The following SHQ1 variants were observed in gnomAD, a reference collection of about 807,000 sequenced individuals.
The protein encoded by SHQ1 is protein SHQ1 homolog.
SHQ1 carries 49 observed loss-of-function variants against 53.8 expected under a neutral mutation model. The observed-to-expected ratio is 0.91, with a 90% CI of 0.72 to 1.16. The LOEUF is 1.16. Ranked by LOEUF, SHQ1 falls within the 50% of genes most tolerant of loss-of-function variation. SHQ1 has a pLI of 0.00. For missense variants in SHQ1, 738 were observed against 683.1 expected, an observed-to-expected ratio of 1.08 and a Z score of -0.90; for synonymous variants, 243 against 251.0, an observed-to-expected ratio of 0.97 and a Z score of 0.30.
At chr3:72,738,705 G>T in the SHQ1 span, among the ~76,000 whole-genome samples, 1 of 152,272 alleles carries the variant, frequency 6.6e-6, no homozygotes, top group African/African-American at 2.4e-5. Flanking sequence ...ACCTTCTGTA[G>T]CTCTGCTCAG....
chr3:72,766,031 C>G (rs1042850412), intron 10 of SHQ1, among the ~76,000 whole-genome samples: 1 of 152,100 alleles, frequency 6.6e-6, no homozygotes, highest in Admixed American at 6.5e-5. Flanking sequence ...AAAAACAACA[C>G]AGAACTCAAA....
chr3:72,827,340 C>G (rs976951703), intron 5 of SHQ1, among the ~76,000 whole-genome samples: 4 of 151,884 alleles, frequency 2.6e-5, no homozygotes, highest in Non-Finnish European at 5.9e-5. Context: ...GCATTTAAAC[C>G]AAGAAGAGGA....
chr3:72,845,049 T>A (rs1328283827), intron 1 of SHQ1, among the ~76,000 whole-genome samples: 1 of 152,142 alleles, frequency 6.6e-6, no homozygotes, highest in Non-Finnish European at 1.5e-5. Context: ...AGATAAGGGA[T>A]ACTCAATGGG....
At chr3:72,821,347 T>C (rs570246716) in intron 6 of SHQ1, among the ~76,000 whole-genome samples, 1 of 152,098 alleles carries the variant, frequency 6.6e-6, no homozygotes, top group Non-Finnish European at 1.5e-5. Context: ...AAAGACAACA[T>C]GGGAAATGCG....
intron 10 of SHQ1, among the ~76,000 whole-genome samples, chr3:72,751,313 G>T (rs563330990): frequency 3.9e-5 from 6 of 152,016 alleles, no homozygotes; most frequent in African/African-American, 9.7e-5. Context: ...TTGGGTGGAG[G>T]GGGGGCTGAG....
chr3:72,804,941 G>A (rs1013941823), intron 9 of SHQ1, among the ~76,000 whole-genome samples: 6 of 152,146 alleles, frequency 3.9e-5, no homozygotes, highest in East Asian at 1.9e-4. Context: ...TGAGAAATGC[G>A]TCATTAGGTA....
At chr3:72,793,269 A>G (rs890494646) in intron 9 of SHQ1, 3 of 321,478 alleles carry the variant, frequency 9.3e-6, no homozygotes, top group Non-Finnish European at 1.7e-5. Flanking sequence ...GCACTTTGGG[A>G]GGCCGAGGCG....
Position 72,841,174 on chromosome 3 carries a change from TA to T in SHQ1, c.356del (p.Val119GlufsTer24). On this transcript the variant is annotated frameshift_variant, in exon 4 of 11. Transcript: ENST00000325599. LOFTEE classifies it high-confidence loss of function. ...CCCAATCAAACTCTTCATCGTCAAC[TA>T]CTTCCTCAGGAATCTCAGAAGCACC... ...EIGASEIPEEVVDDEEFDWEI... is the reference protein window; with the variant it reads ...EIGASEIPEEXVDDEEFDWEI... 6 of 1,613,184 alleles carry T rather than the reference TA, an allele frequency of 3.7e-6. No homozygotes were observed. The highest frequency in any genetic ancestry group is 5.1e-6 in the Non-Finnish European group (6 of 1,179,756).
Position 72,750,737 on chromosome 3 carries a change from C to T in SHQ1, c.1281G>A (p.Leu427=), listed in dbSNP as rs1379525982. The T allele has an allele frequency of 6.4e-7, 1 of 1,555,304 alleles. No homozygotes were observed. Among genetic ancestry groups the T allele is most frequent in the Non-Finnish European group, 8.7e-7 (1 of 1,148,836 alleles). The change falls in exon 11 of 11, where the codon CTG becomes CTA. Residue 427 remains leucine (L), a synonymous_variant. Transcript: ENST00000325599. ...LELEELEAAA[L]LVQEEETALK... is the part of the protein sequence containing the mutation. ...ATGCAGTTTCTTCCTCCTGGACAAG[C>T]AGTGCTGCTGCTTCTAGTTCTTCCA...
intron 10 of SHQ1, among the ~76,000 whole-genome samples, chr3:72,768,421 G>A (rs764986407): frequency 2.6e-5 from 4 of 152,172 alleles, no homozygotes; most frequent in Non-Finnish European, 4.4e-5. Flanking sequence ...AGGCTAAACC[G>A]CGGAGAAGAG....
intron 10 of SHQ1, among the ~76,000 whole-genome samples, chr3:72,786,826 T>A (rs986125265): frequency 1.6e-4 from 24 of 152,176 alleles, no homozygotes; most frequent in Non-Finnish European, 1.2e-4. Context: ...AATACATGAC[T>A]CCACTTTTAC....
At chr3:72,730,060 C>T in the SHQ1 span, among the ~76,000 whole-genome samples, 3 of 152,132 alleles carry the variant, frequency 2.0e-5, no homozygotes, top group Non-Finnish European at 2.9e-5. Flanking sequence ...CCTCGTGATC[C>T]GCCTGCCTCG....
intron 10 of SHQ1, among the ~76,000 whole-genome samples, chr3:72,754,178 A>T (rs1705449662): frequency 1.3e-5 from 2 of 152,158 alleles, no homozygotes; most frequent in African/African-American, 4.8e-5. Context: ...CCACCTTGTG[A>T]ATCAGTGCCA....
At chr3:72,741,385 A>G in the SHQ1 span, among the ~76,000 whole-genome samples, 24 of 152,286 alleles carry the variant, frequency 1.6e-4, no homozygotes, top group Non-Finnish European at 2.9e-4. Context: ...CAGGAGTTCG[A>G]GACTAGCCTG....
rs1491477972 is a variant in SHQ1, at chr3:72,840,241, TTA to T, written c.486+802_486+803del. Among the ~76,000 whole-genome samples, 6 of 101,238 alleles carry T rather than the reference TTA, an allele frequency of 5.9e-5. 1 individual carries two copies. Among genetic ancestry groups the T allele is most frequent in the African/African-American group, 3.5e-4 (6 of 17,036 alleles). The allele number at this position is 101,238 out of a possible 152,430, so 66.4% of individuals were successfully genotyped here. A position where few individuals can be genotyped will look rare whatever the true frequency, so the allele number is the denominator to read the frequency against. ...CACTCCAGCAAAGTGAGACTCTGTC[TTA>T]AAAAAAAAAAAAAAAAAAAAAAGAA... On this transcript the variant is annotated intron_variant, in intron 4 of 10. Transcript: ENST00000325599.
chr3:72,750,521 G>A lies in SHQ1; in HGVS notation c.1497C>T (p.Ser499=). 6.2e-7 allele frequency: 1 copy of A among 1,614,040 alleles called. No homozygotes were observed. Among genetic ancestry groups the A allele is most frequent in the Non-Finnish European group, 8.5e-7 (1 of 1,179,892 alleles). ...SSLQGPFLEE[S]SAFLIVDGGV... is the part of the protein sequence containing the mutation. Reference sequence around the variant, plus strand: ...CACCATCAACAATAAGAAAGGCACTGCTTTCTTCAAGAAAGGGACCTTGCA... The same window carrying A: ...CACCATCAACAATAAGAAAGGCACTACTTTCTTCAAGAAAGGGACCTTGCA... The change falls in exon 11 of 11, where the codon AGC becomes AGT. Residue 499 remains serine, a synonymous_variant. Coordinates refer to ENST00000325599, the MANE Select transcript of SHQ1 (RefSeq NM_018130.3).
rs564892062 is a variant in SHQ1, at chr3:72,761,344, A to G, written c.1182-10508T>C. ...ACACCACCACGCCTGGCTAATTTAT[A>G]AATTTTTTGTAGTGACAGCGTCTTG... is the stretch of plus-strand genomic sequence containing the variant. On this transcript the variant is annotated intron_variant, in intron 10 of 10. Coordinates refer to ENST00000325599, the MANE Select transcript of SHQ1 (RefSeq NM_018130.3). Among the ~76,000 whole-genome samples the G allele has an allele frequency of 3.9e-5, 6 of 152,088 alleles. No individual in the cohort carries two copies. The South Asian group carries it at 1.0e-3, about 26-fold the overall frequency.
chr3:72,753,262 G>A, intron 10 of SHQ1: 1 of 985,394 alleles, frequency 1.0e-6, no homozygotes, highest in Non-Finnish European at 1.2e-6. Flanking sequence ...GAGACAAACT[G>A]GATGACGGTG....
chr3:72,767,906 C>G (rs75154377), intron 10 of SHQ1, among the ~76,000 whole-genome samples: 2 of 152,126 alleles, frequency 1.3e-5, no homozygotes, highest in African/African-American at 4.8e-5. Flanking sequence ...TTGATTCAAA[C>G]GATGCTATCA....
Sources: allele counts gnomAD v4.1 joint callset (sites outside exome capture counted in the v4.1 genomes callset), GRCh38; gene constraint gnomAD v4.1.1; transcripts MANE v1.5; gene names NCBI Gene and HGNC (gene_info 2026-07-23, HGNC 2026-07-21).